TENM3: variants seen among roughly 807,000 people sequenced by gnomAD.
TENM3 encodes the protein teneurin-3.
In TENM3, 63 loss-of-function variants were observed where a neutral mutation model predicts 255.1. The observed-to-expected ratio is 0.25, with a 90% CI of 0.20 to 0.30. TENM3 has a LOEUF of 0.30. Ranked by LOEUF, TENM3 falls within the 10% of genes least tolerant of loss-of-function variation. The pLI is 1.00. For missense variants in TENM3, 2,929 were observed against 3,461.1 expected, an observed-to-expected ratio of 0.85 and a Z score of 3.86; for synonymous variants, 1,306 against 1,322.3, an observed-to-expected ratio of 0.99 and a Z score of 0.27.
intron 3 of TENM3, among the ~76,000 whole-genome samples, chr4:182,360,126 G>C (rs1359936478): frequency 6.8e-6 from 1 of 147,380 alleles, no homozygotes; most frequent in Non-Finnish European, 1.5e-5. Context: ...TTGCTGAGGA[G>C]AGCTTTACTT....
intron 3 of TENM3, among the ~76,000 whole-genome samples, chr4:182,462,609 T>A (rs1438262949): frequency 2.0e-5 from 3 of 151,928 alleles, no homozygotes; most frequent in South Asian, 2.1e-4. Flanking sequence ...TAAAACTGTT[T>A]TTGTCAGATT....
At chr4:181,861,317 A>C in the TENM3 span, among the ~76,000 whole-genome samples, 3 of 152,302 alleles carry the variant, frequency 2.0e-5, no homozygotes, top group Admixed American at 2.0e-4. Context: ...AGGTGGAATA[A>C]ATATTTCATA....
chr4:181,684,739 C>A, the TENM3 span, among the ~76,000 whole-genome samples: 1 of 151,822 alleles, frequency 6.6e-6, no homozygotes, highest in Admixed American at 6.6e-5. Flanking sequence ...ACATTAGTGT[C>A]TGTTTTTTGT....
intron 1 of TENM3, among the ~76,000 whole-genome samples, chr4:182,166,176 G>A (rs575248096): frequency 4.2e-4 from 64 of 152,300 alleles, no homozygotes; most frequent in Non-Finnish European, 7.2e-4. Context: ...TGGCTGTTTC[G>A]TAAAGATACC....
chr4:182,241,638 T>C (rs921431696), upstream of TENM3, among the ~76,000 whole-genome samples: 1 of 150,828 alleles, frequency 6.6e-6, no homozygotes, highest in African/African-American at 2.5e-5. Flanking sequence ...GCCTCCTGAG[T>C]AGCTGGGACT....
At chr4:181,883,089 T>C in the TENM3 span, among the ~76,000 whole-genome samples, 1 of 149,126 alleles carries the variant, frequency 6.7e-6, no homozygotes, top group Non-Finnish European at 1.5e-5. Context: ...TCAGAAGCAG[T>C]TGTGCTTATT....
the TENM3 span, among the ~76,000 whole-genome samples, chr4:182,096,002 G>A: frequency 6.6e-6 from 1 of 151,908 alleles, no homozygotes; most frequent in Non-Finnish European, 1.5e-5. Flanking sequence ...GGTGGCACAC[G>A]CCTGTAAGTC....
chr4:182,101,169 AGGG>A, the TENM3 span, among the ~76,000 whole-genome samples: 1 of 52,260 alleles, frequency 1.9e-5, no homozygotes, highest in African/African-American at 5.0e-5. Flanking sequence ...GAAAGAAGGG[AGGG>A]AGGAAGGAAA....
Position 182,325,114 on chromosome 4 carries a change from T to C in TENM3, c.232+862T>C, listed in dbSNP as rs141164606. The stretch of plus-strand genomic sequence containing the variant: ...TGTAATGTGCAGTATAATTTACATA[T>C]AACTTAGCATTCTTTAGCTAATTTA... On this transcript the variant is annotated intron_variant, in intron 2 of 27. Transcript: ENST00000511685. 1.1e-3 allele frequency among the ~76,000 whole-genome samples: 167 copies of C among 152,356 alleles called. 1 individual carries two copies. The highest frequency in any genetic ancestry group is 3.8e-3 in the African/African-American group (158 of 41,594).
the TENM3 span, among the ~76,000 whole-genome samples, chr4:181,740,932 G>A: frequency 1.3e-5 from 2 of 152,134 alleles, no homozygotes; most frequent in African/African-American, 4.8e-5. Context: ...CCGTAAGATG[G>A]CTACATTTCT....
intron 3 of TENM3, among the ~76,000 whole-genome samples, chr4:182,433,716 A>C (rs1370874400): frequency 6.6e-6 from 1 of 152,246 alleles, no homozygotes. Flanking sequence ...CAAATATGTC[A>C]TTAGGAAGAT....
chr4:181,771,509 A>G, the TENM3 span, among the ~76,000 whole-genome samples: 1 of 152,216 alleles, frequency 6.6e-6, no homozygotes, highest in African/African-American at 2.4e-5. Flanking sequence ...TAGGGGGTCA[A>G]TGTCAATGAT....
the TENM3 span, among the ~76,000 whole-genome samples, chr4:182,013,064 T>C: frequency 3.3e-5 from 5 of 152,162 alleles, no homozygotes; most frequent in African/African-American, 1.2e-4. Flanking sequence ...TTGTCCATTA[T>C]ATCACAATTC....
the TENM3 span, among the ~76,000 whole-genome samples, chr4:182,031,448 TTACTGTAG>T: frequency 2.6e-5 from 4 of 152,350 alleles, no homozygotes; most frequent in African/African-American, 9.6e-5. Flanking sequence ...GCTGTTTTGG[TTACTGTAG>T]CGTTGCAGTG....
the TENM3 span, among the ~76,000 whole-genome samples, chr4:181,781,800 C>A: frequency 6.6e-6 from 1 of 152,128 alleles, no homozygotes; most frequent in African/African-American, 2.4e-5. Context: ...CCCATCAATA[C>A]CTAATTTATT....
the TENM3 span, among the ~76,000 whole-genome samples, chr4:181,517,688 C>G: frequency 1.3e-5 from 2 of 152,154 alleles, no homozygotes; most frequent in East Asian, 3.9e-4. Context: ...CATAATAGTG[C>G]TGATGTCTGA....
chr4:182,456,178 A>G (rs1773860868), intron 3 of TENM3, among the ~76,000 whole-genome samples: 1 of 152,218 alleles, frequency 6.6e-6, no homozygotes, highest in Admixed American at 6.5e-5. Flanking sequence ...GTGAAAATAT[A>G]ATGGCTTACA....
intron 1 of TENM3, among the ~76,000 whole-genome samples, chr4:182,188,864 T>A (rs1310346675): frequency 6.6e-6 from 1 of 152,204 alleles, no homozygotes; most frequent in Non-Finnish European, 1.5e-5. Flanking sequence ...TCATGTCCAC[T>A]TTGCTTGTCA....
chr4:181,940,934 T>A, the TENM3 span, among the ~76,000 whole-genome samples: 1 of 152,206 alleles, frequency 6.6e-6, no homozygotes, highest in Non-Finnish European at 1.5e-5. Context: ...ATTCTGGATA[T>A]ATTTTGAGGA....
Sources: allele counts gnomAD v4.1 joint callset (sites outside exome capture counted in the v4.1 genomes callset), GRCh38; gene constraint gnomAD v4.1.1; transcripts MANE v1.5; gene names NCBI Gene and HGNC (gene_info 2026-07-23, HGNC 2026-07-21).